The following SYT10 variants were observed in gnomAD, a reference collection of about 807,000 sequenced individuals.
The protein encoded by SYT10 is synaptotagmin 10.
A neutral mutation model predicts 51.1 loss-of-function variants in SYT10; 31 were observed. The observed-to-expected ratio is 0.61, with a 90% confidence interval of 0.46 to 0.82. The LOEUF (loss-of-function observed/expected upper bound fraction) is 0.82, where lower values mean the gene tolerates loss of function less well. Ranked by LOEUF, SYT10 falls within the 40% of genes least tolerant of loss-of-function variation. The pLI is 0.00. For synonymous variants in SYT10, 233 were observed against 225.9 expected (o/e 1.03, Z -0.28); for missense variants, 603 against 634.0 (o/e 0.95, Z 0.53).
At chr12:33,421,701 T>G (rs1282510157) in intron 2 of SYT10, among the ~76,000 whole-genome samples, 1 of 152,146 alleles carries the variant, frequency 6.6e-6, no homozygotes, top group Non-Finnish European at 1.5e-5. Flanking sequence ...AAATTTAGCA[T>G]CTAGTTTGGA....
At chr12:33,383,772 C>T (rs1265774548) in intron 4 of SYT10, among the ~76,000 whole-genome samples, 1 of 152,038 alleles carries the variant, frequency 6.6e-6, no homozygotes, top group Non-Finnish European at 1.5e-5. Context: ...TGATTCACAA[C>T]CCTGTTGTGA....
At chr12:33,433,087 A>T (rs1591999643) in intron 1 of SYT10, among the ~76,000 whole-genome samples, 1 of 152,162 alleles carries the variant, frequency 6.6e-6, no homozygotes, top group Non-Finnish European at 1.5e-5. Flanking sequence ...AAATTACCCT[A>T]TAAAATAATA....
chr12:33,424,145 T>C (rs1321085312), intron 2 of SYT10: 1 of 347,406 alleles, frequency 2.9e-6, no homozygotes, highest in Non-Finnish European at 5.6e-6. Flanking sequence ...GATTTTAAGG[T>C]TGAAATTTTT....
intron 2 of SYT10, among the ~76,000 whole-genome samples, chr12:33,415,028 G>C (rs190742127): frequency 2.6e-5 from 4 of 152,086 alleles, no homozygotes; most frequent in Non-Finnish European, 4.4e-5. Flanking sequence ...ACTGGAATAC[G>C]AGCAAATTCT....
intron 3 of SYT10, among the ~76,000 whole-genome samples, chr12:33,403,003 G>C (rs1866319490): frequency 6.6e-6 from 1 of 151,836 alleles, no homozygotes; most frequent in Non-Finnish European, 1.5e-5. Flanking sequence ...AAAAATTAAA[G>C]ATACACCAGC....
intron 3 of SYT10, among the ~76,000 whole-genome samples, chr12:33,399,316 A>G (rs890320766): frequency 6.6e-6 from 1 of 152,250 alleles, no homozygotes; most frequent in African/African-American, 2.4e-5. Flanking sequence ...CATGGCATCA[A>G]TGCTGAATTA....
intron 1 of SYT10, among the ~76,000 whole-genome samples, chr12:33,428,677 C>T (rs1414455313): frequency 1.3e-5 from 2 of 152,076 alleles, no homozygotes; most frequent in Non-Finnish European, 2.9e-5. Flanking sequence ...GAGGCTGAGA[C>T]GGGCGGATCA....
At position 33,439,427 on chromosome 12, in the gene SYT10, C is replaced by T. The variant is rs201131113; in HGVS notation, c.96G>A (p.Glu32=). The T allele has an allele frequency of 3.5e-5, 56 of 1,614,186 alleles. No individual in the cohort carries two copies. The Admixed American group carries it at 8.2e-4, about 24-fold the overall frequency. Reference sequence around the variant, plus strand: ...CCCGAGGGAAGATGCCCGAGCACTTCTCCCACTCCACCTGGCCGGCGAAGC... The same window carrying T: ...CCCGAGGGAAGATGCCCGAGCACTTTTCCCACTCCACCTGGCCGGCGAAGC... ...ELCFAGQVEW[E]KCSGIFPRDR... Residue 32 remains glutamate (E), a synonymous_variant, in exon 1 of 7, where the codon GAG becomes GAA. Transcript: ENST00000228567.
At chr12:33,417,452 C>A (rs1866464350) in intron 2 of SYT10, among the ~76,000 whole-genome samples, 1 of 152,114 alleles carries the variant, frequency 6.6e-6, no homozygotes, top group African/African-American at 2.4e-5. Flanking sequence ...CCAGATGTGG[C>A]CCCTCAACAA....
intron 2 of SYT10, among the ~76,000 whole-genome samples, chr12:33,416,278 T>C (rs1336917442): frequency 6.6e-6 from 1 of 152,004 alleles, no homozygotes; most frequent in East Asian, 1.9e-4. Context: ...AGACGGGGTT[T>C]CATTATGTTG....
chr12:33,420,434 G>T (rs1866492248), intron 2 of SYT10, among the ~76,000 whole-genome samples: 1 of 151,828 alleles, frequency 6.6e-6, no homozygotes, highest in Non-Finnish European at 1.5e-5. Flanking sequence ...ATTGCTTGAG[G>T]CCAGGAATTC....
intron 1 of SYT10, among the ~76,000 whole-genome samples, chr12:33,429,294 T>C (rs1399637312): frequency 6.6e-6 from 1 of 152,218 alleles, no homozygotes; most frequent in African/African-American, 2.4e-5. Context: ...TTTATAACTA[T>C]ATTTTTCTCT....
intron 3 of SYT10, among the ~76,000 whole-genome samples, chr12:33,397,959 G>A (rs1377853394): frequency 2.0e-5 from 3 of 152,070 alleles, no homozygotes; most frequent in Non-Finnish European, 4.4e-5. Flanking sequence ...ACAGGAGAGT[G>A]GCGGAAATGA....
At position 33,375,252 on chromosome 12, in the gene SYT10, T is replaced by G. The variant is rs1866052580; in HGVS notation, c.*1578A>C. The G allele has an allele frequency of 6.6e-6, 1 of 152,096 alleles. No homozygotes were observed. The highest frequency in any genetic ancestry group is 1.5e-5 in the Non-Finnish European group (1 of 67,960). 9.4% of individuals were successfully genotyped at this position (152,096 alleles called of 1,614,324 possible). On this transcript the variant is annotated 3_prime_UTR_variant, in exon 7 of 7. Transcript: ENST00000228567. ...TGGTAATGTGCAAAATATTTACCTC[T>G]TAATTAACAGTAATGCCATCACTAT...
intron 1 of SYT10, among the ~76,000 whole-genome samples, chr12:33,428,247 A>G (rs1866568233): frequency 6.6e-6 from 1 of 152,260 alleles, no homozygotes; most frequent in Non-Finnish European, 1.5e-5. Context: ...TTGGTCATGC[A>G]TAAATGCAAC....
At chr12:33,391,237 T>TTTTTTA (rs1415629552) in intron 3 of SYT10, among the ~76,000 whole-genome samples, 3 of 47,296 alleles carry the variant, frequency 6.3e-5, no homozygotes, top group Non-Finnish European at 7.0e-5. Context: ...GCCTGGCTGC[T>TTTTTTA]TTTTATTTTA....
At chr12:33,421,668 G>T (rs1866506104) in intron 2 of SYT10, among the ~76,000 whole-genome samples, 2 of 151,980 alleles carry the variant, frequency 1.3e-5, no homozygotes, top group Non-Finnish European at 2.9e-5. Flanking sequence ...CATAAAAGTG[G>T]GTTACACACG....
chr12:33,416,426 A>G (rs541188019), intron 2 of SYT10, among the ~76,000 whole-genome samples: 1 of 152,242 alleles, frequency 6.6e-6, no homozygotes, highest in Admixed American at 6.5e-5. Flanking sequence ...TCTGAAGCTC[A>G]AGTCAAGAAA....
At position 33,375,594 on chromosome 12, in the gene SYT10, C is replaced by T. The variant is rs970789856; in HGVS notation, c.*1236G>A. The T allele has an allele frequency of 4.6e-5, 7 of 152,132 alleles. No homozygotes were observed. Among genetic ancestry groups the T allele is most frequent in the African/African-American group, 1.7e-4 (7 of 41,550 alleles). 9.4% of individuals were successfully genotyped at this position (152,132 alleles called of 1,614,324 possible). Reference sequence around the variant, plus strand: ...AAGTTCTGTCTTGTAAAAACACTTGCATAGTTTTTACATGTAGTGGCCTGA... The same window carrying T: ...AAGTTCTGTCTTGTAAAAACACTTGTATAGTTTTTACATGTAGTGGCCTGA... On this transcript the variant is annotated 3_prime_UTR_variant, in exon 7 of 7. Coordinates refer to ENST00000228567, the MANE Select transcript of SYT10 (RefSeq NM_198992.4).
Sources: allele counts gnomAD v4.1 joint callset (sites outside exome capture counted in the v4.1 genomes callset), GRCh38; gene constraint gnomAD v4.1.1; transcripts MANE v1.5; gene names NCBI Gene and HGNC (gene_info 2026-07-23, HGNC 2026-07-21).